Variants in LRP1B observed in about 807,000 individuals in gnomAD.
The protein encoded by LRP1B is LDL receptor related protein 1B.
Under a neutral mutation model 556.6 loss-of-function variants are expected in LRP1B, and 217 were observed. The ratio of observed to expected loss-of-function variants is 0.39; its 90% CI spans 0.35 to 0.44. The LOEUF (loss-of-function observed/expected upper bound fraction) is 0.44, where lower values mean the gene tolerates loss of function less well. Among genes scored for constraint, LRP1B ranks in the 20% least tolerant of loss-of-function variants. The pLI is 1.00. For missense variants in LRP1B, 5,053 were observed against 5,620.8 expected, an observed-to-expected ratio of 0.90 and a Z score of 3.23; for synonymous variants, 2,047 against 1,865.8, an observed-to-expected ratio of 1.10 and a Z score of -2.50.
chr2:140,367,065 A>G (rs1296471030), intron 71 of LRP1B, among the ~76,000 whole-genome samples: 2 of 151,670 alleles, frequency 1.3e-5, no homozygotes, highest in Non-Finnish European at 3.0e-5. Context: ...GGAAGGAAGG[A>G]GGAAAGCCTG....
intron 18 of LRP1B, among the ~76,000 whole-genome samples, chr2:140,977,672 T>G (rs1048641180): frequency 3.3e-5 from 5 of 152,102 alleles, no homozygotes; most frequent in Admixed American, 6.6e-5. Flanking sequence ...GAAATATAAA[T>G]TCTTGGGCCC....
intron 82 of LRP1B, among the ~76,000 whole-genome samples, chr2:140,317,448 G>C (rs755431553): frequency 6.6e-6 from 1 of 152,102 alleles, no homozygotes; most frequent in Non-Finnish European, 1.5e-5. Context: ...TGATTCTTCA[G>C]TTTCTGACCA....
chr2:140,596,291 A>G (rs1235840620), intron 43 of LRP1B, among the ~76,000 whole-genome samples: 2 of 152,198 alleles, frequency 1.3e-5, no homozygotes, highest in African/African-American at 4.8e-5. Flanking sequence ...GGCGAAAACT[A>G]TGTAAAGAGT....
Position 140,510,590 on chromosome 2 carries a change from A to C in LRP1B, c.8270-534T>G, listed in dbSNP as rs369868935. On this transcript the variant is annotated intron_variant, in intron 51 of 90. Transcript: ENST00000389484. ...AGTTGCACGCAATTTTGCATGCTCAACTGGGAGTCCTCTGGATCCTAAGCA... is the reference window on the plus strand; with the variant it reads ...AGTTGCACGCAATTTTGCATGCTCACCTGGGAGTCCTCTGGATCCTAAGCA... 3.3e-5 allele frequency among the ~76,000 whole-genome samples: 5 copies of C among 152,184 alleles called. No homozygotes were observed. The East Asian group carries it at 9.6e-4, about 29-fold the overall frequency.
chr2:140,862,836 C>A (rs1257572746), intron 27 of LRP1B, among the ~76,000 whole-genome samples: 1 of 152,100 alleles, frequency 6.6e-6, no homozygotes, highest in Non-Finnish European at 1.5e-5. Context: ...GAAGCATCAT[C>A]CAATCTGTTG....
At chr2:141,322,601 G>A (rs1195461767) in intron 3 of LRP1B, among the ~76,000 whole-genome samples, 1 of 152,008 alleles carries the variant, frequency 6.6e-6, no homozygotes, top group African/African-American at 2.4e-5. Context: ...TCTCTTTGCT[G>A]TGAGACTTGA....
At chr2:140,619,576 G>C (rs759340437) in intron 41 of LRP1B, among the ~76,000 whole-genome samples, 3 of 152,102 alleles carry the variant, frequency 2.0e-5, no homozygotes, top group Admixed American at 6.6e-5. Context: ...GTGACCAAGT[G>C]GGAGTCCCCG....
chr2:140,679,822 C>A (rs1685798829), intron 41 of LRP1B, among the ~76,000 whole-genome samples: 2 of 152,166 alleles, frequency 1.3e-5, no homozygotes, highest in Admixed American at 6.5e-5. Flanking sequence ...TTCTCCAACA[C>A]ACAGCCTGTG....
At chr2:141,187,040 T>G (rs1202969920) in intron 7 of LRP1B, among the ~76,000 whole-genome samples, 5 of 152,018 alleles carry the variant, frequency 3.3e-5, no homozygotes, top group Non-Finnish European at 7.4e-5. Flanking sequence ...AGCAATATAT[T>G]TCTCAACAGG....
At chr2:141,868,249 A>G (rs1248356694) in intron 1 of LRP1B, among the ~76,000 whole-genome samples, 6 of 152,194 alleles carry the variant, frequency 3.9e-5, no homozygotes, top group Non-Finnish European at 8.8e-5. Context: ...TACTCGTTCC[A>G]GTACATACCA....
At chr2:140,933,249 T>C (rs984840489) in intron 20 of LRP1B, among the ~76,000 whole-genome samples, 7 of 151,952 alleles carry the variant, frequency 4.6e-5, no homozygotes, top group African/African-American at 1.7e-4. Context: ...AGAAAACAAA[T>C]GCTGACAGGT....
In LRP1B at chr2:141,405,884, G is replaced by A. The variant is rs1170341673; in HGVS notation, c.343+74512C>T. On this transcript the variant is annotated intron_variant, in intron 3 of 90. Transcript: ENST00000389484. The stretch of plus-strand genomic sequence containing the variant: ...GTCAAAAGTATTTAGTATGGCTGAT[G>A]TTAATATTAGTTTTTATAATTTTCA... 2.6e-5 allele frequency among the ~76,000 whole-genome samples: 4 copies of A among 152,136 alleles called. No individual in the cohort carries two copies. The East Asian group carries it at 7.7e-4, about 29-fold the overall frequency.
intron 6 of LRP1B, among the ~76,000 whole-genome samples, chr2:141,196,617 T>C (rs1681762239): frequency 6.6e-6 from 1 of 152,134 alleles, no homozygotes; most frequent in Admixed American, 6.6e-5. Context: ...TTGCTTTGTG[T>C]TTCAGCTTTT....
At position 140,297,797 on chromosome 2, in the gene LRP1B, C is replaced by G; in HGVS notation, c.12967+11G>C. On this transcript the variant is annotated intron_variant, in intron 84 of 90. Transcript: ENST00000389484. The stretch of plus-strand genomic sequence containing the variant: ...CATCAAAGCTGGCTTCTGGGTGCTG[C>G]TTTTACTTACAGTACTGACATCTGT... 6.2e-7 allele frequency: 1 copy of G among 1,601,730 alleles called. No individual in the cohort carries two copies. The highest frequency in any genetic ancestry group is 8.5e-7 in the Non-Finnish European group (1 of 1,171,626).
At chr2:141,209,341 TCTC>T (rs1682443631) in intron 6 of LRP1B, among the ~76,000 whole-genome samples, 1 of 152,112 alleles carries the variant, frequency 6.6e-6, no homozygotes, top group South Asian at 2.1e-4. Context: ...GCTGGGCACT[TCTC>T]CTTGCTGCTA....
intron 3 of LRP1B, among the ~76,000 whole-genome samples, chr2:141,271,832 C>A (rs1685105199): frequency 6.7e-6 from 1 of 148,596 alleles, no homozygotes; most frequent in South Asian, 2.1e-4. Flanking sequence ...GTTACAAGTA[C>A]ATAATGTCTC....
chr2:141,389,825 T>C (rs1274122704), intron 3 of LRP1B, among the ~76,000 whole-genome samples: 1 of 152,084 alleles, frequency 6.6e-6, no homozygotes, highest in Non-Finnish European at 1.5e-5. Flanking sequence ...GCAAACAACA[T>C]TGATGGACAT....
intron 6 of LRP1B, among the ~76,000 whole-genome samples, chr2:141,225,655 A>C (rs1214249169): frequency 1.3e-5 from 2 of 151,814 alleles, no homozygotes; most frequent in Non-Finnish European, 2.9e-5. Flanking sequence ...CTAAATAATA[A>C]ATATCAGTTA....
At chr2:141,626,629 A>C (rs1688711373) in intron 2 of LRP1B, among the ~76,000 whole-genome samples, 1 of 152,224 alleles carries the variant, frequency 6.6e-6, no homozygotes, top group African/African-American at 2.4e-5. Context: ...GAACAACCTG[A>C]TTCAAAAATG....
Sources: gnomAD v4.1 joint callset for allele counts (sites outside exome capture counted in the v4.1 genomes callset) on GRCh38, gnomAD v4.1.1 for gene constraint, MANE v1.5 for transcripts, NCBI Gene and HGNC (gene_info 2026-07-23, HGNC 2026-07-21) for gene names.